Variants in FOXK1 observed in about 807,000 individuals in gnomAD.
FOXK1 encodes forkhead box K1.
Under a neutral mutation model 51.9 loss-of-function variants are expected in FOXK1, and 19 were observed. That is an observed-to-expected ratio of 0.37 (90% CI 0.26 to 0.54). FOXK1 has a LOEUF of 0.54. Among genes scored for constraint, FOXK1 ranks in the 20% least tolerant of loss-of-function variants. The pLI is 0.87. For synonymous variants in FOXK1, 537 were observed against 482.6 expected (o/e 1.11, Z -1.48); for missense variants, 870 against 1,032.7 (o/e 0.84, Z 2.16).
Position 4,723,888 on chromosome 7 carries a change from C to G in FOXK1, c.561-16950C>G, listed in dbSNP as rs764117652. Reference sequence around the variant, plus strand: ...ATCTCACTATGTTGCCCAGGCCGGTCTCGACCTCCTAGGCTCAAGCGATCC... The same window carrying G: ...ATCTCACTATGTTGCCCAGGCCGGTGTCGACCTCCTAGGCTCAAGCGATCC... On this transcript the variant is annotated intron_variant, in intron 1 of 8. Transcript: ENST00000328914. This position sits in a 1 kb window ranked among gnomAD's most constrained non-coding sequence, Gnocchi z 4.7. Among the ~76,000 whole-genome samples, 3 of 152,180 alleles carry G rather than the reference C, an allele frequency of 2.0e-5. No homozygotes were observed. The highest frequency in any genetic ancestry group is 4.1e-4 in the South Asian group (2 of 4,834).
intron 1 of FOXK1, among the ~76,000 whole-genome samples, chr7:4,728,730 G>GA (rs67143977): frequency 0.57 from 58,862 of 103,562 alleles, 16,132 homozygotes; most frequent in East Asian, 0.81. Flanking sequence ...GTCTCTTTTT[G>GA]AAAAAAAAAA....
At chr7:4,724,356 C>T (rs1326862170) in intron 1 of FOXK1, among the ~76,000 whole-genome samples, 3 of 152,140 alleles carry the variant, frequency 2.0e-5, no homozygotes, top group African/African-American at 4.8e-5. Flanking sequence ...CCACCACGCC[C>T]GGCTAATTTA....
At position 4,745,999 on chromosome 7, in the gene FOXK1, G is replaced by A. The variant is rs754670840; in HGVS notation, c.746+4976G>A. On this transcript the variant is annotated intron_variant, in intron 2 of 8. Coordinates refer to ENST00000328914, the MANE Select transcript of FOXK1 (RefSeq NM_001037165.2). This position sits in a 1 kb window ranked among gnomAD's most constrained non-coding sequence, Gnocchi z 4.3. Reference sequence around the variant, plus strand: ...CCAGTCTAAAAAGTGTTCCTTAGAGGTAGAGTTTTAAGAAAACTGCTGAAA... The same window carrying A: ...CCAGTCTAAAAAGTGTTCCTTAGAGATAGAGTTTTAAGAAAACTGCTGAAA... 3.9e-5 allele frequency among the ~76,000 whole-genome samples: 6 copies of A among 152,198 alleles called. No homozygotes were observed. The highest frequency in any genetic ancestry group is 7.3e-5 in the Non-Finnish European group (5 of 68,044).
In FOXK1 at chr7:4,767,290, G is replaced by A. The variant is rs1005206404; in HGVS notation, c.*4826G>A. 4 of 152,370 alleles carry A rather than the reference G, an allele frequency of 2.6e-5. No homozygotes were observed. In the East Asian group the frequency reaches 5.8e-4, roughly 22 times the overall value. The allele number at this position is 152,370 out of a possible 1,614,324, so 9.4% of individuals were successfully genotyped here. A position where few individuals can be genotyped will look rare whatever the true frequency, so the allele number is the denominator to read the frequency against. On this transcript the variant is annotated 3_prime_UTR_variant, in exon 9 of 9. Coordinates refer to ENST00000328914, the MANE Select transcript of FOXK1 (RefSeq NM_001037165.2). This position sits in a 1 kb window ranked among gnomAD's most constrained non-coding sequence, Gnocchi z 6.6. ...CGCTCCTCACGCTGGAGTAAGTTAC[G>A]AAACATGATCGTCAGGCTCTTTGCA...
At position 4,715,897 on chromosome 7, in the gene FOXK1, A is replaced by G. The variant is rs564254732; in HGVS notation, c.561-24941A>G. Among the ~76,000 whole-genome samples the G allele has an allele frequency of 1.3e-5, 2 of 152,354 alleles. No homozygotes were observed. Among genetic ancestry groups the G allele is most frequent in the Admixed American group, 6.5e-5 (1 of 15,302 alleles). The stretch of plus-strand genomic sequence containing the variant: ...AGGATGGCCGTTGCTGAACTTCAAC[A>G]TTGGCCACCAATATCTGCTGTCTGT... On this transcript the variant is annotated intron_variant, in intron 1 of 8. Transcript: ENST00000328914. This position sits in a 1 kb window ranked among gnomAD's most constrained non-coding sequence, Gnocchi z 4.5.
Position 4,707,998 on chromosome 7 carries a change from T to A in FOXK1, c.560+25130T>A, listed in dbSNP as rs1780126435. Among the ~76,000 whole-genome samples, 1 of 152,018 alleles carries A rather than the reference T, an allele frequency of 6.6e-6. No individual in the cohort carries two copies. The highest frequency in any genetic ancestry group is 2.4e-5 in the African/African-American group (1 of 41,368). ...GCGCTCAGCCTGTTTTCACCTGTTT[T>A]CTGAAATCTGAGTAAATGTGGAGGG... is the stretch of plus-strand genomic sequence containing the variant. On this transcript the variant is annotated intron_variant, in intron 1 of 8. Coordinates refer to ENST00000328914, the MANE Select transcript of FOXK1 (RefSeq NM_001037165.2). The surrounding 1 kb of genome is among the most constrained non-coding windows in gnomAD (Gnocchi z 4.1).
At chr7:4,692,343 A>G (rs1467630293) in intron 1 of FOXK1, among the ~76,000 whole-genome samples, 1 of 152,178 alleles carries the variant, frequency 6.6e-6, no homozygotes, top group Non-Finnish European at 1.5e-5. Context: ...CTTTTCAGAT[A>G]TTGTGGATGT....
intron 1 of FOXK1, among the ~76,000 whole-genome samples, chr7:4,697,507 G>A (rs1779968434): frequency 1.3e-5 from 2 of 152,192 alleles, no homozygotes; most frequent in South Asian, 4.1e-4. Context: ...GGACCCCAGA[G>A]CCTGTGTTAT....
rs900212086 is a variant in FOXK1 at position 4,723,891 on chromosome 7, G to A, written c.561-16947G>A. Reference sequence around the variant, plus strand: ...TCACTATGTTGCCCAGGCCGGTCTCGACCTCCTAGGCTCAAGCGATCCTCC... The same window carrying A: ...TCACTATGTTGCCCAGGCCGGTCTCAACCTCCTAGGCTCAAGCGATCCTCC... On this transcript the variant is annotated intron_variant, in intron 1 of 8. Coordinates refer to ENST00000328914, the MANE Select transcript of FOXK1 (RefSeq NM_001037165.2). The surrounding 1 kb of genome is among the most constrained non-coding windows in gnomAD (Gnocchi z 4.7). Among the ~76,000 whole-genome samples the A allele has an allele frequency of 1.3e-5, 2 of 152,048 alleles. No homozygotes were observed. The highest frequency in any genetic ancestry group is 4.1e-4 in the South Asian group (2 of 4,820).
At position 4,734,989 on chromosome 7, in the gene FOXK1, A is replaced by G. The variant is rs1265253584; in HGVS notation, c.561-5849A>G. ...TTTCTCTGAGTCTGAAATGATGACA[A>G]TTGTATTTATATTTATGTCATCGAG... is the stretch of plus-strand genomic sequence containing the variant. On this transcript the variant is annotated intron_variant, in intron 1 of 8. Coordinates refer to ENST00000328914, the MANE Select transcript of FOXK1 (RefSeq NM_001037165.2). This position sits in a 1 kb window ranked among gnomAD's most constrained non-coding sequence, Gnocchi z 5.2. 3.3e-5 allele frequency among the ~76,000 whole-genome samples: 5 copies of G among 152,046 alleles called. No individual in the cohort carries two copies. Among genetic ancestry groups the G allele is most frequent in the African/African-American group, 9.7e-5 (4 of 41,374 alleles).
rs1403718860 is a variant in FOXK1, at chr7:4,747,322, CCCGGAA to C, written c.746+6302_746+6307del. 6.6e-5 allele frequency among the ~76,000 whole-genome samples: 10 copies of C among 152,136 alleles called. No homozygotes were observed. The highest frequency in any genetic ancestry group is 2.4e-4 in the African/African-American group (10 of 41,418). On this transcript the variant is annotated intron_variant, in intron 2 of 8. Transcript: ENST00000328914. The surrounding 1 kb of genome is among the most constrained non-coding windows in gnomAD (Gnocchi z 9.2). ...AGGCGCCTGCAGACACGGAGCTGAC[CCCGGAA>C]CCTGCCTAGCTGCGGGGCCGCCTCT...
rs1468384624 is a variant in FOXK1, at chr7:4,707,013, T to G, written c.560+24145T>G. 1.3e-5 allele frequency among the ~76,000 whole-genome samples: 2 copies of G among 152,270 alleles called. No homozygotes were observed. Among genetic ancestry groups the G allele is most frequent in the African/African-American group, 4.8e-5 (2 of 41,470 alleles). ...ATAACTTACCTACTTCATGCCCTAA[T>G]TGAATTCCATTGCATTTTCTTCTTA... On this transcript the variant is annotated intron_variant, in intron 1 of 8. Transcript: ENST00000328914. The surrounding 1 kb of genome is among the most constrained non-coding windows in gnomAD (Gnocchi z 4.1).
intron 1 of FOXK1, among the ~76,000 whole-genome samples, chr7:4,712,436 A>G (rs1015712962): frequency 2.0e-5 from 3 of 152,180 alleles, no homozygotes; most frequent in Non-Finnish European, 4.4e-5. Flanking sequence ...GCCTTACGTC[A>G]TCATAATTGA....
intron 1 of FOXK1, among the ~76,000 whole-genome samples, chr7:4,698,361 C>T (rs28711471): frequency 5.2e-4 from 79 of 151,816 alleles, no homozygotes; most frequent in African/African-American, 1.9e-3. Flanking sequence ...CCACAACATG[C>T]ATTGCCTAAG....
Position 4,702,229 on chromosome 7 carries a change from G to A in FOXK1, c.560+19361G>A, listed in dbSNP as rs140352104. 7.0e-3 allele frequency among the ~76,000 whole-genome samples: 1,069 copies of A among 152,214 alleles called. 14 individuals are homozygous for A. Among genetic ancestry groups the A allele is most frequent in the African/African-American group, 0.023 (951 of 41,536 alleles). ...CCCCTGTCCTCCACCTTCCCCTCCCGTTTCTGTCCCTTCTCCAGAGGCAGC... is the reference window on the plus strand; with the variant it reads ...CCCCTGTCCTCCACCTTCCCCTCCCATTTCTGTCCCTTCTCCAGAGGCAGC... On this transcript the variant is annotated intron_variant, in intron 1 of 8. Transcript: ENST00000328914.
In FOXK1 at chr7:4,766,946, A is replaced by T. The variant is rs1368530576; in HGVS notation, c.*4482A>T. The T allele has an allele frequency of 6.6e-6, 1 of 152,248 alleles. No individual in the cohort carries two copies. The highest frequency in any genetic ancestry group is 1.5e-5 in the Non-Finnish European group (1 of 68,068). The allele number at this position is 152,248 out of a possible 1,614,324, so 9.4% of individuals were successfully genotyped here. ...GAGGAAGCTTTTCCTTGGCTTTGAA[A>T]TCAGTGTTTTTATGGAGACAAAGAA... On this transcript the variant is annotated 3_prime_UTR_variant, in exon 9 of 9. Transcript: ENST00000328914. The surrounding 1 kb of genome is among the most constrained non-coding windows in gnomAD (Gnocchi z 5.5).
intron 1 of FOXK1, among the ~76,000 whole-genome samples, chr7:4,737,778 A>G (rs1780575014): frequency 6.6e-6 from 1 of 152,196 alleles, no homozygotes; most frequent in Non-Finnish European, 1.5e-5. Context: ...ACAAAAGCTA[A>G]CAGCCCCCAG....
chr7:4,705,523 C>CTCTCTG (rs1780073439), intron 1 of FOXK1, among the ~76,000 whole-genome samples: 1 of 124,894 alleles, frequency 8.0e-6, no homozygotes, highest in African/African-American at 3.8e-5. Context: ...CTCTTTCTCT[C>CTCTCTG]TCTCTCTCTC....
intron 1 of FOXK1, among the ~76,000 whole-genome samples, chr7:4,724,352 C>T (rs762589200): frequency 7.9e-5 from 12 of 152,166 alleles, no homozygotes; most frequent in East Asian, 1.9e-4. Context: ...CCCACCACCA[C>T]GCCCGGCTAA....
Sources: gnomAD v4.1 joint callset for allele counts (sites outside exome capture counted in the v4.1 genomes callset) on GRCh38, gnomAD v4.1.1 for gene constraint, Gnocchi (gnomAD v3.1) non-coding constraint, MANE v1.5 for transcripts, NCBI Gene and HGNC (gene_info 2026-07-23, HGNC 2026-07-21) for gene names.